GFM2: variants seen among roughly 807,000 people sequenced by gnomAD.
The protein encoded by GFM2 is GTP dependent ribosome recycling factor mitochondrial 2, also known as ribosome-releasing factor 2, mitochondrial.
A neutral mutation model predicts 95.4 loss-of-function variants in GFM2; 72 were observed. That is an observed-to-expected ratio of 0.76 (90% CI 0.62 to 0.92). The LOEUF is 0.92. Among genes scored for constraint, GFM2 ranks in the 40% least tolerant of loss-of-function variants. The pLI is 0.00. For synonymous variants in GFM2, 276 were observed against 317.5 expected, an observed-to-expected ratio of 0.87 and a Z score of 1.39; for missense variants, 825 against 924.1, an observed-to-expected ratio of 0.89 and a Z score of 1.39.
rs1750136872 is a variant in GFM2 at position 74,726,122 on chromosome 5, G to A, written c.1731C>T (p.Thr577=). ...TILNSVRATD[T]LDRTLGDKRH... ...TTTTGTCTCCTAAAGTTCTATCTAAGGTATCTGTAAACAAATTGAATATGG... is the reference window on the plus strand; with the variant it reads ...TTTTGTCTCCTAAAGTTCTATCTAAAGTATCTGTAAACAAATTGAATATGG... Residue 577 remains threonine (T), a synonymous_variant, in exon 18 of 21, where the codon ACC becomes ACT. Coordinates refer to ENST00000296805, the MANE Select transcript of GFM2 (RefSeq NM_032380.5). The A allele has an allele frequency of 6.2e-7, 1 of 1,600,660 alleles. No individual in the cohort carries two copies. Among genetic ancestry groups the A allele is most frequent in the South Asian group, 1.1e-5 (1 of 89,306 alleles).
rs973182502 is a variant in GFM2 at position 74,758,527 on chromosome 5, T to C, written c.304+322A>G. On this transcript the variant is annotated intron_variant, in intron 5 of 20. Coordinates refer to ENST00000296805, the MANE Select transcript of GFM2 (RefSeq NM_032380.5). The stretch of plus-strand genomic sequence containing the variant: ...GCAGCCAAAGAAGATAGCTCCCAGA[T>C]AGCTACGGGGACTGCTATAAGGACT... 2.6e-5 allele frequency among the ~76,000 whole-genome samples: 4 copies of C among 152,298 alleles called. No homozygotes were observed. In the East Asian group the frequency reaches 7.7e-4, roughly 29 times the overall value.
rs762836355 is a variant in GFM2, at chr5:74,758,880, C to T, written c.273G>A (p.Leu91=). The T allele has an allele frequency of 5.0e-6, 8 of 1,607,012 alleles. No individual in the cohort carries two copies. Among genetic ancestry groups the T allele is most frequent in the South Asian group, 1.1e-5 (1 of 90,914 alleles). The change falls in exon 5 of 21, where the codon TTG becomes TTA. Residue 91 remains leucine (L), a synonymous_variant. Coordinates refer to ENST00000296805, the MANE Select transcript of GFM2 (RefSeq NM_032380.5). Reference sequence around the variant, plus strand: ...GTGATCTTGTATATCCGGAATAGTACAATATTCTTTCTGTGGTGGTAGTTT... The same window carrying T: ...GTGATCTTGTATATCCGGAATAGTATAATATTCTTTCTGTGGTGGTAGTTT... The part of the protein sequence containing the change: ...AGKTTTTERI[L]YYSGYTRSLG...
intron 7 of GFM2, among the ~76,000 whole-genome samples, chr5:74,749,665 A>T (rs1182460223): frequency 6.6e-6 from 1 of 152,202 alleles, no homozygotes; most frequent in Non-Finnish European, 1.5e-5. Flanking sequence ...ATATTCTCTT[A>T]TATAACCAAT....
At chr5:74,730,122 C>A (rs1312894745) in intron 17 of GFM2, 138 bp downstream of exon 17, 7 of 787,756 alleles carry the variant, frequency 8.9e-6, no homozygotes, top group Non-Finnish European at 1.3e-5. Flanking sequence ...CCTAAAAAAA[C>A]AAAAAAACCC....
At chr5:74,726,391 C>T (rs939176800) in intron 17 of GFM2, among the ~76,000 whole-genome samples, 4 of 152,062 alleles carry the variant, frequency 2.6e-5, no homozygotes, top group African/African-American at 7.2e-5. Context: ...GCACATGTTA[C>T]GAAGATTATA....
At position 74,725,684 on chromosome 5, in the gene GFM2, A is replaced by G; in HGVS notation, c.1984T>C (p.Ser662Pro). The G allele has an allele frequency of 3.7e-6, 6 of 1,613,832 alleles. No individual in the cohort carries two copies. The highest frequency in any genetic ancestry group is 5.1e-6 in the Non-Finnish European group (6 of 1,179,786). Residue 662 changes from serine to proline, a missense_variant, in exon 19 of 21, where the codon TCC becomes CCC. Transcript: ENST00000296805. Reference protein sequence around the residue: ...LHSLTIHPGTSTTMISACVSR... With the variant: ...LHSLTIHPGTPTTMISACVSR... ...ACACAGGCAGAAATCATAGTTGTGG[A>G]GGTGCCAGGATGAATTGTCAGGGAA...
At chr5:74,745,638 G>C in intron 10 of GFM2, 40 bp downstream of exon 10, 1 of 1,493,144 alleles carries the variant, frequency 6.7e-7, no homozygotes, top group Non-Finnish European at 9.2e-7. Context: ...GATAAGTGGT[G>C]CACACATTGG....
chr5:74,737,009 G>T, intron 14 of GFM2, 24 bp from the exon 15 acceptor site: 2 of 1,610,614 alleles, frequency 1.2e-6, no homozygotes, highest in South Asian at 2.2e-5. Context: ...AGATGACTTG[G>T]AACGAAAGTG....
chr5:74,752,851 G>A (rs1403935161), intron 5 of GFM2, among the ~76,000 whole-genome samples: 1 of 152,166 alleles, frequency 6.6e-6, no homozygotes, highest in Admixed American at 6.5e-5. Flanking sequence ...ATCCTTAGGG[G>A]AAGGAGGAGA....
intron 3 of GFM2, among the ~76,000 whole-genome samples, chr5:74,760,618 C>G (rs988938918): frequency 6.6e-6 from 1 of 152,166 alleles, no homozygotes; most frequent in South Asian, 2.1e-4. Context: ...CACAAGAGCA[C>G]TCTACAATTA....
At chr5:74,758,823 T>G (rs1322202584) in intron 5 of GFM2, 26 bp downstream of exon 5, 5 of 1,359,780 alleles carry the variant, frequency 3.7e-6, no homozygotes, top group Non-Finnish European at 5.2e-6. Flanking sequence ...AATGGGGGGG[T>G]GGGAAGAGGA....
At chr5:74,756,896 C>T (rs1268421742) in intron 5 of GFM2, among the ~76,000 whole-genome samples, 2 of 151,976 alleles carry the variant, frequency 1.3e-5, no homozygotes, top group Non-Finnish European at 2.9e-5. Context: ...TAGAGTGATA[C>T]AATGAACTTT....
In GFM2 at chr5:74,747,688, A is replaced by G; in HGVS notation, c.608+4T>C. The G allele has an allele frequency of 6.3e-7, 1 of 1,577,398 alleles. No individual in the cohort carries two copies. Among genetic ancestry groups the G allele is most frequent in the South Asian group, 1.1e-5 (1 of 89,646 alleles). ...GATAAGCCAATGAAACACATTTCAAATACCTTGCTCCAGTTTTGTCCATCT... is the reference window on the plus strand; with the variant it reads ...GATAAGCCAATGAAACACATTTCAAGTACCTTGCTCCAGTTTTGTCCATCT... On this transcript the variant is annotated splice_donor_region_variant and intron_variant, in intron 8 of 20. Transcript: ENST00000296805.
chr5:74,755,006 G>C (rs1186042727), intron 5 of GFM2, among the ~76,000 whole-genome samples: 1 of 152,136 alleles, frequency 6.6e-6, no homozygotes, highest in East Asian at 1.9e-4. Flanking sequence ...TGAGGTAGGG[G>C]AATTGCTTGA....
At chr5:74,757,698 C>T (rs1420409516) in intron 5 of GFM2, among the ~76,000 whole-genome samples, 2 of 142,828 alleles carry the variant, frequency 1.4e-5, no homozygotes, top group African/African-American at 5.3e-5. Context: ...CACTGCACTC[C>T]AGCCTGGGCA....
intron 5 of GFM2, among the ~76,000 whole-genome samples, chr5:74,757,277 G>A (rs1744034053): frequency 6.6e-6 from 1 of 151,886 alleles, no homozygotes; most frequent in Non-Finnish European, 1.5e-5. Flanking sequence ...TCAGTTTCTT[G>A]GCATCATAAG....
intron 16 of GFM2, among the ~76,000 whole-genome samples, chr5:74,731,692 T>C (rs997518892): frequency 2.0e-5 from 3 of 152,184 alleles, no homozygotes; most frequent in Non-Finnish European, 4.4e-5. Context: ...AAAATAGTTG[T>C]AAAATAATAC....
intron 1 of GFM2, among the ~76,000 whole-genome samples, chr5:74,764,466 C>T (rs892028414): frequency 1.3e-5 from 2 of 152,050 alleles, no homozygotes; most frequent in Admixed American, 6.6e-5. Context: ...AACATAAATT[C>T]GTAAACTTTC....
chr5:74,722,671 A>G (rs2112198729), intron 19 of GFM2, 110 bp from the exon 20 acceptor site: 1 of 804,286 alleles, frequency 1.2e-6, no homozygotes, highest in East Asian at 2.7e-5. Context: ...CTCTCTTTAA[A>G]GATAACGTTT....
Sources: gnomAD v4.1 joint callset for allele counts (sites outside exome capture counted in the v4.1 genomes callset) on GRCh38, gnomAD v4.1.1 for gene constraint, MANE v1.5 for transcripts, NCBI Gene and HGNC (gene_info 2026-07-23, HGNC 2026-07-21) for gene names.